The following SGPL1 variants were observed in gnomAD, a reference collection of about 807,000 sequenced individuals.
SGPL1 encodes the protein sphingosine-1-phosphate lyase 1, also known as SP-lyase 1.
In SGPL1, 37 loss-of-function variants were observed where a neutral mutation model predicts 68.9. That is an observed-to-expected ratio of 0.54 (90% CI 0.41 to 0.71). SGPL1 has a LOEUF of 0.71. SGPL1 is among the 30% of genes least tolerant of loss of function. The pLI, the probability that SGPL1 is intolerant of heterozygous loss-of-function variation, is 0.00. For missense variants in SGPL1, 551 were observed against 704.6 expected (o/e 0.78, Z 2.47); for synonymous variants, 236 against 248.5 (o/e 0.95, Z 0.47).
In SGPL1 at chr10:70,869,859, C is replaced by T. The variant is rs1231916433; in HGVS notation, c.772C>T (p.Arg258Trp). The T allele has an allele frequency of 6.8e-6, 11 of 1,613,874 alleles. No individual in the cohort carries two copies. Among genetic ancestry groups the T allele is most frequent in the Admixed American group, 1.7e-5 (1 of 60,002 alleles). The change falls in exon 9 of 15, where the codon CGG becomes TGG. Residue 258 changes from arginine to tryptophan, a missense_variant. Transcript: ENST00000373202. ...AASYFGMKIV[R>W]VPLTKMMEVD... ...CAGTTACTTTGGGATGAAGATTGTG[C>T]GGGTCCCATTGACGAAGATGATGGA...
chr10:70,859,296 G>A (rs1291490144), intron 6 of SGPL1, 75 bp from the exon 7 acceptor site: 1 of 1,129,126 alleles, frequency 8.9e-7, no homozygotes, highest in Non-Finnish European at 1.1e-6. Context: ...CTTAGAAACT[G>A]TTGTTTAGTG....
chr10:70,877,123 C>A, intron 14 of SGPL1, 72 bp from the exon 15 acceptor site: 2 of 1,471,640 alleles, frequency 1.4e-6, no homozygotes, highest in Admixed American at 1.7e-5. Context: ...GGAGAAGGGG[C>A]TCATTGCTGC....
intron 3 of SGPL1, among the ~76,000 whole-genome samples, chr10:70,847,472 C>T (rs894050151): frequency 6.6e-6 from 1 of 152,088 alleles, no homozygotes; most frequent in South Asian, 2.1e-4. Flanking sequence ...TCTAAAGATA[C>T]AAAACAAAAG....
At chr10:70,853,022 T>C (rs1420458656) in intron 4 of SGPL1, among the ~76,000 whole-genome samples, 2 of 152,260 alleles carry the variant, frequency 1.3e-5, no homozygotes, top group African/African-American at 2.4e-5. Flanking sequence ...CTTTCTAATA[T>C]ACCTCTCTGT....
At chr10:70,817,379 A>G (rs532722014) in intron 2 of SGPL1, among the ~76,000 whole-genome samples, 27 of 152,370 alleles carry the variant, frequency 1.8e-4, no homozygotes, top group Middle Eastern at 3.4e-3. Flanking sequence ...AAATACATCA[A>G]TACAGTATAT....
rs536883022 is a variant in SGPL1 at position 70,854,632 on chromosome 10, C to G, written c.262-76C>G. ...TGCGGTGCCTAGCATTGAGCAGTTGCTTGACTGTCATAATAATTCTGCTGT... is the reference window on the plus strand; with the variant it reads ...TGCGGTGCCTAGCATTGAGCAGTTGGTTGACTGTCATAATAATTCTGCTGT... On this transcript the variant is annotated intron_variant, in intron 4 of 14. Coordinates refer to ENST00000373202, the MANE Select transcript of SGPL1 (RefSeq NM_003901.4). 498 of 1,344,592 alleles carry G rather than the reference C, an allele frequency of 3.7e-4. 3 individuals carry two copies. In the South Asian group the frequency reaches 4.1e-3, roughly 11 times the overall value. The allele number at this position is 1,344,592 out of a possible 1,614,324, so 83.3% of individuals were successfully genotyped here.
intron 13 of SGPL1, 53 bp from the exon 14 acceptor site, chr10:70,876,488 A>G: frequency 6.5e-7 from 1 of 1,535,466 alleles, no homozygotes; most frequent in Non-Finnish European, 8.8e-7. Context: ...GCATCATTTT[A>G]GAACATTTTT....
chr10:70,835,533 G>A (rs1845612306), intron 2 of SGPL1, among the ~76,000 whole-genome samples: 1 of 151,946 alleles, frequency 6.6e-6, no homozygotes, highest in African/African-American at 2.4e-5. Flanking sequence ...GCAGGAGATC[G>A]AGACCATCCT....
Position 70,877,697 on chromosome 10 carries a change from G to C in SGPL1, c.*362G>C. 1 of 185,978 alleles carries C rather than the reference G, an allele frequency of 5.4e-6. No homozygotes were observed. The highest frequency in any genetic ancestry group is 1.1e-5 in the Non-Finnish European group (1 of 88,540). The allele number at this position is 185,978 out of a possible 1,614,324, so 11.5% of individuals were successfully genotyped here. ...AGAGAAGCTGGGGTACAGTTTATGA[G>C]ATAGCTAGAGCTTCTTTGTTATCTC... On this transcript the variant is annotated 3_prime_UTR_variant, in exon 15 of 15. Transcript: ENST00000373202.
intron 11 of SGPL1, 36 bp from the exon 12 acceptor site, chr10:70,873,315 T>A (rs781458812): frequency 2.6e-5 from 38 of 1,477,094 alleles, no homozygotes; most frequent in Non-Finnish European, 3.6e-5. Context: ...GACAGAACTA[T>A]ACTCTCACTT....
intron 7 of SGPL1, among the ~76,000 whole-genome samples, chr10:70,862,958 A>G (rs1289861162): frequency 6.6e-6 from 1 of 152,272 alleles, no homozygotes; most frequent in Non-Finnish European, 1.5e-5. Flanking sequence ...TTCATTCTAA[A>G]GAATTCTGTT....
intron 12 of SGPL1, 90 bp downstream of exon 12, chr10:70,873,679 C>A: frequency 1.1e-6 from 1 of 933,228 alleles, no homozygotes; most frequent in Non-Finnish European, 1.7e-6. Flanking sequence ...ATCCATAGCC[C>A]TAGCCCACCT....
At chr10:70,836,801 A>G (rs1366950760) in intron 2 of SGPL1, among the ~76,000 whole-genome samples, 1 of 151,874 alleles carries the variant, frequency 6.6e-6, no homozygotes, top group East Asian at 1.9e-4. Flanking sequence ...TATGTTGCTC[A>G]GGCTGGTCTT....
chr10:70,838,913 C>G (rs1400196018), intron 2 of SGPL1, among the ~76,000 whole-genome samples: 1 of 152,168 alleles, frequency 6.6e-6, no homozygotes, highest in Non-Finnish European at 1.5e-5. Context: ...TACACGTAGA[C>G]TCTAATACAC....
chr10:70,849,323 T>C lies in SGPL1; in HGVS notation c.194-1820T>C, dbSNP rs182407671. On this transcript the variant is annotated intron_variant, in intron 3 of 14. Coordinates refer to ENST00000373202, the MANE Select transcript of SGPL1 (RefSeq NM_003901.4). ...ATTATAGTCATTTGATGAACTATTA[T>C]AACATTAAAAATATGTTTAGAAAGA... 6.6e-5 allele frequency among the ~76,000 whole-genome samples: 10 copies of C among 152,356 alleles called. No homozygotes were observed. In the East Asian group the frequency reaches 1.7e-3, roughly 26 times the overall value.
chr10:70,852,744 G>A (rs1845908298), intron 4 of SGPL1, among the ~76,000 whole-genome samples: 1 of 152,210 alleles, frequency 6.6e-6, no homozygotes, highest in Non-Finnish European at 1.5e-5. Context: ...GCACGCGTGT[G>A]TGTATACCTC....
chr10:70,825,738 G>A lies in SGPL1; in HGVS notation c.27+8858G>A, dbSNP rs536977336. The stretch of plus-strand genomic sequence containing the variant: ...GTGAGTGCTACATACTTTCTCAGGG[G>A]GTTCTTTCCACTGTTGGACAGCTTT... On this transcript the variant is annotated intron_variant, in intron 2 of 14. Coordinates refer to ENST00000373202, the MANE Select transcript of SGPL1 (RefSeq NM_003901.4). Among the ~76,000 whole-genome samples, 296 of 152,130 alleles carry A rather than the reference G, an allele frequency of 1.9e-3. 1 individual carries two copies. The highest frequency in any genetic ancestry group is 3.5e-3 in the Non-Finnish European group (237 of 68,004).
At chr10:70,847,445 A>G (rs1845810090) in intron 3 of SGPL1, among the ~76,000 whole-genome samples, 1 of 152,196 alleles carries the variant, frequency 6.6e-6, no homozygotes, top group Admixed American at 6.5e-5. Flanking sequence ...CACCATGCCC[A>G]GCTGAGTTAT....
At chr10:70,841,620 A>G (rs1468901330) in intron 2 of SGPL1, among the ~76,000 whole-genome samples, 1 of 152,132 alleles carries the variant, frequency 6.6e-6, no homozygotes, top group African/African-American at 2.4e-5. Context: ...TGACCCCCCA[A>G]AGGCTCCCTC....
Sources: gnomAD v4.1 joint callset for allele counts (sites outside exome capture counted in the v4.1 genomes callset) on GRCh38, gnomAD v4.1.1 for gene constraint, MANE v1.5 for transcripts, NCBI Gene and HGNC (gene_info 2026-07-23, HGNC 2026-07-21) for gene names.